Variants in VHLL observed in about 807,000 individuals in gnomAD.
VHLL encodes VHL like, also known as von Hippel-Lindau-like protein.
In VHLL, 4 loss-of-function variants were observed where a neutral mutation model predicts 3.5. The observed-to-expected ratio is 1.13, with a 90% CI of 0.56 to 2.59. VHLL has a LOEUF of 2.59. VHLL is among the 30% of genes most tolerant of loss of function. The probability of loss-of-function intolerance (pLI) is 0.02; values close to 1 mark genes in which losing one functional copy is unlikely to be tolerated. For missense variants in VHLL, 155 were observed against 178.2 expected, an observed-to-expected ratio of 0.87 and a Z score of 0.74; for synonymous variants, 77 against 76.0, an observed-to-expected ratio of 1.01 and a Z score of -0.07.
At position 156,298,638 on chromosome 1, in the gene VHLL, C is replaced by A; in HGVS notation, c.*132G>T. On this transcript the variant is annotated 3_prime_UTR_variant, in exon 1 of 1. Transcript: ENST00000339922. Reference sequence around the variant, plus strand: ...TCCACAGATATTCACTGTGCTCCTGCGTCAGCCGCTCCAGGTCTTTCAATC... The same window carrying A: ...TCCACAGATATTCACTGTGCTCCTGAGTCAGCCGCTCCAGGTCTTTCAATC... The A allele has an allele frequency of 8.9e-7, 1 of 1,120,404 alleles. No individual in the cohort carries two copies. The allele number at this position is 1,120,404 out of a possible 1,614,324, so 69.4% of individuals were successfully genotyped here.
rs754164615 is a variant in VHLL at position 156,299,122 on chromosome 1, T to G, written c.68A>C (p.Glu23Ala). ...AQAGTQEAGPEEYCQEELGAE... is the reference protein window; with the variant it reads ...AQAGTQEAGPAEYCQEELGAE... The stretch of plus-strand genomic sequence containing the variant: ...GCCCAACTCTTCCTGGCAGTACTCT[T>G]CTGGGCCTGCCTCCTGGGTGCCCGC... The change falls in exon 1 of 1, where the codon GAA (glutamate) becomes GCA (alanine). Residue 23 changes from glutamate (E) to alanine (A), a missense_variant. By Grantham distance (107) the Glu-to-Ala change is moderately radical. Coordinates refer to ENST00000339922, the MANE Select transcript of VHLL (RefSeq NM_001004319.3). 6.2e-7 allele frequency: 1 copy of G among 1,609,836 alleles called. No individual in the cohort carries two copies. Among genetic ancestry groups the G allele is most frequent in the East Asian group, 2.2e-5 (1 of 44,790 alleles).
Position 156,299,165 on chromosome 1 carries a change from C to A in VHLL, c.25G>T (p.Val9Leu), listed in dbSNP as rs1663729600. The A allele has an allele frequency of 1.9e-6, 3 of 1,578,276 alleles. No individual in the cohort carries two copies. Among genetic ancestry groups the A allele is most frequent in the African/African-American group, 1.3e-5 (1 of 74,368 alleles). Residue 9 changes from valine to leucine, a missense_variant, in exon 1 of 1, where the codon GTG becomes TTG. Transcript: ENST00000339922. ...GTGCCCGCCTGGGCCTCTAAACCCACCCCGTTCCCCGCTCTCCAGGGCATT... is the reference window on the plus strand; with the variant it reads ...GTGCCCGCCTGGGCCTCTAAACCCAACCCGTTCCCCGCTCTCCAGGGCATT... MPWRAGNG[V>L]GLEAQAGTQE... is the part of the protein sequence containing the mutation.
Position 156,298,934 on chromosome 1 carries a change from C to T in VHLL, c.256G>A (p.Gly86Ser), listed in dbSNP as rs973852361. The T allele has an allele frequency of 9.3e-6, 15 of 1,614,034 alleles. No individual in the cohort carries two copies. Among genetic ancestry groups the T allele is most frequent in the Middle Eastern group, 1.6e-4 (1 of 6,084 alleles). ...AAGTTGTGGATGCGGAAGTCCCTGCCGGGCAGCAGCGTCAGGTAGGGCAGC... is the reference window on the plus strand; with the variant it reads ...AAGTTGTGGATGCGGAAGTCCCTGCTGGGCAGCAGCGTCAGGTAGGGCAGC... ...KLLPYLTLLP[G>S]RDFRIHNFRS... Residue 86 changes from glycine (G) to serine (S), a missense_variant, in exon 1 of 1, where the codon GGC (glycine) becomes AGC (serine). Transcript: ENST00000339922.
In VHLL at chr1:156,298,730, G is replaced by A; in HGVS notation, c.*40C>T. 6.3e-7 allele frequency: 1 copy of A among 1,586,858 alleles called. No homozygotes were observed. The highest frequency in any genetic ancestry group is 8.6e-7 in the Non-Finnish European group (1 of 1,164,128). ...GATGTCCAGTCTCCTGTAATTCTTGGGCTTGACTAGGCTTCCGACAACCTG... is the reference window on the plus strand; with the variant it reads ...GATGTCCAGTCTCCTGTAATTCTTGAGCTTGACTAGGCTTCCGACAACCTG... On this transcript the variant is annotated 3_prime_UTR_variant, in exon 1 of 1. Coordinates refer to ENST00000339922, the MANE Select transcript of VHLL (RefSeq NM_001004319.3).
Position 156,298,976 on chromosome 1 carries a change from T to C in VHLL, c.214A>G (p.Asn72Asp). 1 of 1,614,026 alleles carries C rather than the reference T, an allele frequency of 6.2e-7. No individual in the cohort carries two copies. The highest frequency in any genetic ancestry group is 1.1e-5 in the South Asian group (1 of 91,086). ...TAGGGCAGCAGCTTGCCATAGTAGT[T>C]GAGCCACACAGGCAGCACGATTCGT... ...SPRIVLPVWL[N>D]YYGKLLPYLT... The change falls in exon 1 of 1, where the codon AAC (asparagine) becomes GAC (aspartate). Residue 72 changes from asparagine (N) to aspartate (D), a missense_variant. Asn to Asp is a conservative substitution (Grantham distance 23, BLOSUM62 1). Transcript: ENST00000339922.
Position 156,298,867 on chromosome 1 carries a change from T to C in VHLL, c.323A>G (p.Asp108Gly), listed in dbSNP as rs1663718546. 6.2e-7 allele frequency: 1 copy of C among 1,614,086 alleles called. No individual in the cohort carries two copies. Among genetic ancestry groups the C allele is most frequent in the African/African-American group, 1.3e-5 (1 of 74,932 alleles). Residue 108 changes from aspartate to glycine, a missense_variant, in exon 1 of 1, where the codon GAT becomes GGT. Physicochemically the swap from Asp to Gly is moderately conservative, Grantham distance 94. Transcript: ENST00000339922. ...PWLFRDARTHDKLLVNQTELF... is the reference protein window; with the variant it reads ...PWLFRDARTHGKLLVNQTELF... ...TTCAGTTTGGTTAACCAGAAGCTTA[T>C]CATGTGTCCTTGCATCTCTGAAGAG... is the stretch of plus-strand genomic sequence containing the variant.
chr1:156,299,001 TG>T lies in VHLL; in HGVS notation c.188del (p.Pro63HisfsTer19), dbSNP rs1663722454. 1 of 1,613,484 alleles carries T rather than the reference TG, an allele frequency of 6.2e-7. No individual in the cohort carries two copies. Among genetic ancestry groups the T allele is most frequent in the African/African-American group, 1.3e-5 (1 of 74,876 alleles). On this transcript the variant is annotated frameshift_variant, in exon 1 of 1. Transcript: ENST00000339922. LOFTEE classifies it high-confidence loss of function. ...TGAGCCACACAGGCAGCACGATTCG[TG>T]GGCTGTGATTGCAGATGATGATCCG... The part of the protein sequence containing the change: ...LSRIIICNHS[P>X]RIVLPVWLNY...
Position 156,298,983 on chromosome 1 carries a change from C to G in VHLL, c.207G>C (p.Val69=). Residue 69 remains valine, a synonymous_variant, in exon 1 of 1, where the codon GTG becomes GTC. Transcript: ENST00000339922. ...GCAGCTTGCCATAGTAGTTGAGCCA[C>G]ACAGGCAGCACGATTCGTGGGCTGT... ...CNHSPRIVLP[V]WLNYYGKLLP... 1 of 1,613,924 alleles carries G rather than the reference C, an allele frequency of 6.2e-7. No homozygotes were observed. The highest frequency in any genetic ancestry group is 1.6e-4 in the Middle Eastern group (1 of 6,062).
In VHLL at chr1:156,299,150, G is replaced by A; in HGVS notation, c.40C>T (p.Gln14Ter). 6.3e-7 allele frequency: 1 copy of A among 1,597,984 alleles called. No individual in the cohort carries two copies. Among genetic ancestry groups the A allele is most frequent in the Non-Finnish European group, 8.5e-7 (1 of 1,170,862 alleles). The change falls in exon 1 of 1, where the codon CAG (glutamine) becomes TAG (stop). Residue 14 changes from glutamine (Q) to a stop codon, truncating the protein, a stop_gained. Transcript: ENST00000339922. LOFTEE classifies it low-confidence loss of function (END_TRUNC). ...RAGNGVGLEA[Q>*]AGTQEAGPEE... ...GGGCCTGCCTCCTGGGTGCCCGCCTGGGCCTCTAAACCCACCCCGTTCCCC... is the reference window on the plus strand; with the variant it reads ...GGGCCTGCCTCCTGGGTGCCCGCCTAGGCCTCTAAACCCACCCCGTTCCCC...
rs1006673451 is a variant in VHLL at position 156,298,660 on chromosome 1, A to G, written c.*110T>C. 6 of 1,336,678 alleles carry G rather than the reference A, an allele frequency of 4.5e-6. No individual in the cohort carries two copies. Among genetic ancestry groups the G allele is most frequent in the Non-Finnish European group, 5.2e-6 (5 of 965,970 alleles). 82.8% of individuals were successfully genotyped at this position (1,336,678 alleles called of 1,614,324 possible). A position where few individuals can be genotyped will look rare whatever the true frequency, so the allele number is the denominator to read the frequency against. On this transcript the variant is annotated 3_prime_UTR_variant, in exon 1 of 1. Coordinates refer to ENST00000339922, the MANE Select transcript of VHLL (RefSeq NM_001004319.3). ...CTGCGTCAGCCGCTCCAGGTCTTTC[A>G]ATCACATTTGGATGATCTTCCAGAT...
At position 156,298,761 on chromosome 1, in the gene VHLL, A is replaced by G. The variant is rs1663715790; in HGVS notation, c.*9T>C. On this transcript the variant is annotated 3_prime_UTR_variant, in exon 1 of 1. Coordinates refer to ENST00000339922, the MANE Select transcript of VHLL (RefSeq NM_001004319.3). ...ACTAGGCTTCCGACAACCTGGAGGC[A>G]TTGCTCTTTCAGGGTATACACTGCA... 1.9e-6 allele frequency: 3 copies of G among 1,607,106 alleles called. No homozygotes were observed. Among genetic ancestry groups the G allele is most frequent in the East Asian group, 2.2e-5 (1 of 44,740 alleles).
At position 156,299,057 on chromosome 1, in the gene VHLL, G is replaced by A; in HGVS notation, c.133C>T (p.Leu45=). The A allele has an allele frequency of 1.9e-6, 3 of 1,613,192 alleles. No individual in the cohort carries two copies. The highest frequency in any genetic ancestry group is 2.5e-6 in the Non-Finnish European group (3 of 1,180,038). Residue 45 remains leucine (L), a synonymous_variant, in exon 1 of 1, where the codon CTG becomes TTG. Transcript: ENST00000339922. ...EMAARAAWPV[L]RSVNSRELSR... Reference sequence around the variant, plus strand: ...AGCTCGCGTGAGTTCACAGAGCGCAGCACAGGCCATGCTGCTCTGGCTGCC... The same window carrying A: ...AGCTCGCGTGAGTTCACAGAGCGCAACACAGGCCATGCTGCTCTGGCTGCC...
Position 156,298,655 on chromosome 1 carries a change from C to G in VHLL, c.*115G>C. 7.6e-7 allele frequency: 1 copy of G among 1,309,976 alleles called. No homozygotes were observed. Among genetic ancestry groups the G allele is most frequent in the Non-Finnish European group, 1.1e-6 (1 of 942,198 alleles). 81.1% of individuals were successfully genotyped at this position (1,309,976 alleles called of 1,614,324 possible). A position where few individuals can be genotyped will look rare whatever the true frequency, so the allele number is the denominator to read the frequency against. ...TGCTCCTGCGTCAGCCGCTCCAGGTCTTTCAATCACATTTGGATGATCTTC... is the reference window on the plus strand; with the variant it reads ...TGCTCCTGCGTCAGCCGCTCCAGGTGTTTCAATCACATTTGGATGATCTTC... On this transcript the variant is annotated 3_prime_UTR_variant, in exon 1 of 1. Transcript: ENST00000339922.
In VHLL at chr1:156,298,767, C is replaced by G. The variant is rs777214489; in HGVS notation, c.*3G>C. 2 of 1,609,264 alleles carry G rather than the reference C, an allele frequency of 1.2e-6. No individual in the cohort carries two copies. Among genetic ancestry groups the G allele is most frequent in the East Asian group, 4.5e-5 (2 of 44,780 alleles). On this transcript the variant is annotated 3_prime_UTR_variant, in exon 1 of 1. Transcript: ENST00000339922. Reference sequence around the variant, plus strand: ...CTTCCGACAACCTGGAGGCATTGCTCTTTCAGGGTATACACTGCAGTGTGA... The same window carrying G: ...CTTCCGACAACCTGGAGGCATTGCTGTTTCAGGGTATACACTGCAGTGTGA...
rs373370233 is a variant in VHLL, at chr1:156,298,991, G to A, written c.199C>T (p.Leu67=). The change falls in exon 1 of 1, where the codon CTG becomes TTG. Residue 67 remains leucine, a synonymous_variant. Transcript: ENST00000339922. ...CCATAGTAGTTGAGCCACACAGGCA[G>A]CACGATTCGTGGGCTGTGATTGCAG... ...IICNHSPRIV[L]PVWLNYYGKL... 6.2e-7 allele frequency: 1 copy of A among 1,613,818 alleles called. No homozygotes were observed. Among genetic ancestry groups the A allele is most frequent in the Non-Finnish European group, 8.5e-7 (1 of 1,180,044 alleles).
chr1:156,298,935 G>A lies in VHLL; in HGVS notation c.255C>T (p.Pro85=), dbSNP rs747293361. 37 of 1,614,156 alleles carry A rather than the reference G, an allele frequency of 2.3e-5. No individual in the cohort carries two copies. The highest frequency in any genetic ancestry group is 4.4e-5 in the South Asian group (4 of 91,084). The change falls in exon 1 of 1, where the codon CCC becomes CCT. Residue 85 remains proline, a synonymous_variant. Transcript: ENST00000339922. The stretch of plus-strand genomic sequence containing the variant: ...AGTTGTGGATGCGGAAGTCCCTGCC[G>A]GGCAGCAGCGTCAGGTAGGGCAGCA... ...GKLLPYLTLL[P]GRDFRIHNFR...
chr1:156,298,720 G>T lies in VHLL; in HGVS notation c.*50C>A. ...GTGATCTGACGATGTCCAGTCTCCT[G>T]TAATTCTTGGGCTTGACTAGGCTTC... On this transcript the variant is annotated 3_prime_UTR_variant, in exon 1 of 1. Transcript: ENST00000339922. The T allele has an allele frequency of 6.4e-7, 1 of 1,572,526 alleles. No individual in the cohort carries two copies. Among genetic ancestry groups the T allele is most frequent in the Non-Finnish European group, 8.7e-7 (1 of 1,153,326 alleles).
At position 156,298,908 on chromosome 1, in the gene VHLL, G is replaced by A. The variant is rs1663719728; in HGVS notation, c.282C>T (p.Phe94=). ...LPGRDFRIHN[F]RSHPWLFRDA... ...CTCTGAAGAGCCAAGGGTGGCTTCG[G>A]AAGTTGTGGATGCGGAAGTCCCTGC... The change falls in exon 1 of 1, where the codon TTC becomes TTT. Residue 94 remains phenylalanine, a synonymous_variant. Coordinates refer to ENST00000339922, the MANE Select transcript of VHLL (RefSeq NM_001004319.3). The A allele has an allele frequency of 6.2e-7, 1 of 1,614,204 alleles. No homozygotes were observed. Among genetic ancestry groups the A allele is most frequent in the African/African-American group, 1.3e-5 (1 of 75,060 alleles).
rs372668299 is a variant in VHLL at position 156,299,176 on chromosome 1, G to A, written c.14C>T (p.Ala5Val). 62 of 1,562,478 alleles carry A rather than the reference G, an allele frequency of 4.0e-5. No homozygotes were observed. In the African/African-American group the frequency reaches 6.9e-4, roughly 17 times the overall value. The change falls in exon 1 of 1, where the codon GCG (alanine) becomes GTG (valine). Residue 5 changes from alanine (A) to valine (V), a missense_variant. Transcript: ENST00000339922. ...GGCCTCTAAACCCACCCCGTTCCCC[G>A]CTCTCCAGGGCATTACCTCCGAAGC... The part of the protein sequence containing the change: MPWR[A>V]GNGVGLEAQA...
Sources: allele counts gnomAD v4.1 joint callset, GRCh38; gene constraint gnomAD v4.1.1; transcripts MANE v1.5; gene names NCBI Gene and HGNC (gene_info 2026-07-23, HGNC 2026-07-21).